Variants in FSTL4 observed in about 807,000 individuals in gnomAD.
FSTL4 encodes the protein follistatin-related protein 4.
Under a neutral mutation model 78.2 loss-of-function variants are expected in FSTL4, and 28 were observed. The ratio of observed to expected loss-of-function variants is 0.36; its 90% CI spans 0.27 to 0.49. The LOEUF (loss-of-function observed/expected upper bound fraction) is 0.49. Among genes scored for constraint, FSTL4 ranks in the 20% least tolerant of loss-of-function variants. The pLI is 0.98. For synonymous variants in FSTL4, 422 were observed against 440.5 expected, an observed-to-expected ratio of 0.96 and a Z score of 0.53; for missense variants, 922 against 1,084.9, an observed-to-expected ratio of 0.85 and a Z score of 2.11.
chr5:133,712,091 A>T, the FSTL4 span, among the ~76,000 whole-genome samples: 1 of 152,140 alleles, frequency 6.6e-6, no homozygotes, highest in South Asian at 2.1e-4. Flanking sequence ...CTATGTGACA[A>T]CCAGAAGGAT....
chr5:133,197,880 T>C lies in FSTL4; in HGVS notation c.*1215A>G, dbSNP rs1450307224. The C allele has an allele frequency of 6.6e-6, 1 of 152,244 alleles. No individual in the cohort carries two copies. The highest frequency in any genetic ancestry group is 1.5e-5 in the Non-Finnish European group (1 of 68,084). 9.4% of individuals were successfully genotyped at this position (152,244 alleles called of 1,614,324 possible). A position where few individuals can be genotyped will look rare whatever the true frequency, so the allele number is the denominator to read the frequency against. ...GAGAGTCACCACAGCCTGAGACACA[T>C]AAGGAGAATGCAGTAGTGCCAGCCT... is the stretch of plus-strand genomic sequence containing the variant. On this transcript the variant is annotated 3_prime_UTR_variant, in exon 16 of 16. Coordinates refer to ENST00000265342, the MANE Select transcript of FSTL4 (RefSeq NM_015082.2).
At chr5:133,464,041 C>A (rs1757650684) in intron 3 of FSTL4, among the ~76,000 whole-genome samples, 1 of 152,238 alleles carries the variant, frequency 6.6e-6, no homozygotes, top group Non-Finnish European at 1.5e-5. Flanking sequence ...AGTCCCTGAA[C>A]CTGGAGTGTG....
chr5:133,222,251 C>T (rs1751160027), intron 11 of FSTL4, among the ~76,000 whole-genome samples: 1 of 152,106 alleles, frequency 6.6e-6, no homozygotes, highest in Admixed American at 6.5e-5. Context: ...TCCAGCATAG[C>T]TCTCCATAAG....
chr5:133,402,194 C>T (rs534053456), intron 3 of FSTL4, among the ~76,000 whole-genome samples: 1 of 152,156 alleles, frequency 6.6e-6, no homozygotes, highest in African/African-American at 2.4e-5. Flanking sequence ...TGCCACATTG[C>T]TTGAGTGTCC....
chr5:133,241,121 G>A (rs960996719), intron 7 of FSTL4, among the ~76,000 whole-genome samples: 1 of 152,250 alleles, frequency 6.6e-6, no homozygotes, highest in African/African-American at 2.4e-5. Flanking sequence ...TCCACTGGGA[G>A]AGGAGAACAG....
the FSTL4 span, among the ~76,000 whole-genome samples, chr5:133,800,952 A>C: frequency 7.0e-6 from 1 of 142,180 alleles, no homozygotes; most frequent in Non-Finnish European, 1.5e-5. Context: ...GGAGGTGGGG[A>C]GGTGGGGAGC....
At chr5:133,598,400 G>A (rs1309880159) in intron 2 of FSTL4, among the ~76,000 whole-genome samples, 1 of 151,692 alleles carries the variant, frequency 6.6e-6, no homozygotes, top group African/African-American at 2.4e-5. Context: ...ATCTCAAGAG[G>A]TGCTGGCACA....
the FSTL4 span, among the ~76,000 whole-genome samples, chr5:133,783,272 A>T: frequency 7.2e-5 from 11 of 152,174 alleles, no homozygotes; most frequent in South Asian, 2.1e-4. Context: ...AAATATGGAC[A>T]TGACTCCAAC....
At chr5:133,820,051 A>G in the FSTL4 span, among the ~76,000 whole-genome samples, 1 of 152,158 alleles carries the variant, frequency 6.6e-6, no homozygotes, top group African/African-American at 2.4e-5. Flanking sequence ...TCTTGCTCCA[A>G]ATCCTCTTCC....
At chr5:133,409,811 G>A (rs1326129022) in intron 3 of FSTL4, among the ~76,000 whole-genome samples, 2 of 152,216 alleles carry the variant, frequency 1.3e-5, no homozygotes, top group Non-Finnish European at 2.9e-5. Flanking sequence ...AACAGACATG[G>A]TCACAGATTG....
At chr5:133,341,245 A>C (rs1039987364) in intron 4 of FSTL4, among the ~76,000 whole-genome samples, 4 of 79,472 alleles carry the variant, frequency 5.0e-5, no homozygotes, top group Non-Finnish European at 7.9e-5. Flanking sequence ...TTTTTTTTTT[A>C]CTTAGGGGAA....
chr5:133,467,172 G>A (rs1757730819), intron 3 of FSTL4, among the ~76,000 whole-genome samples: 1 of 151,382 alleles, frequency 6.6e-6, no homozygotes, highest in African/African-American at 2.4e-5. Flanking sequence ...GAGTGTATGA[G>A]TGTGGGAGTA....
chr5:133,633,448 T>G, the FSTL4 span, among the ~76,000 whole-genome samples: 1 of 152,224 alleles, frequency 6.6e-6, no homozygotes, highest in Non-Finnish European at 1.5e-5. Flanking sequence ...ATCTTTCAGC[T>G]TTTACATTTT....
intron 15 of FSTL4, among the ~76,000 whole-genome samples, chr5:133,200,726 C>T (rs1210409417): frequency 6.6e-6 from 1 of 152,136 alleles, no homozygotes; most frequent in Non-Finnish European, 1.5e-5. Context: ...CTCACAGAGG[C>T]CTTTTGGTGC....
intron 3 of FSTL4, among the ~76,000 whole-genome samples, chr5:133,449,612 G>A (rs1051449915): frequency 2.6e-5 from 4 of 152,170 alleles, no homozygotes; most frequent in Non-Finnish European, 5.9e-5. Context: ...ATTACAGGGA[G>A]AGCCTTCCTC....
chr5:133,294,453 T>A (rs1230018699), intron 6 of FSTL4, among the ~76,000 whole-genome samples: 1 of 152,140 alleles, frequency 6.6e-6, no homozygotes, highest in African/African-American at 2.4e-5. Context: ...CCGTGCATGC[T>A]CCACGTGCCA....
chr5:133,609,081 C>A (rs1761034431), intron 1 of FSTL4, among the ~76,000 whole-genome samples: 1 of 152,206 alleles, frequency 6.6e-6, no homozygotes, highest in Non-Finnish European at 1.5e-5. Context: ...TCTCCCAGAA[C>A]TTGGTAACTT....
the FSTL4 span, among the ~76,000 whole-genome samples, chr5:133,714,099 G>T: frequency 2.0e-5 from 3 of 152,274 alleles, no homozygotes; most frequent in Non-Finnish European, 2.9e-5. Context: ...CCAAGGGCTC[G>T]TCTGGGCGCT....
chr5:133,432,050 A>T (rs1325701580), intron 3 of FSTL4, among the ~76,000 whole-genome samples: 1 of 152,186 alleles, frequency 6.6e-6, no homozygotes, highest in Non-Finnish European at 1.5e-5. Context: ...GTTAAATAAC[A>T]ATTCAGTAAG....
Sources: gnomAD v4.1 joint callset for allele counts (sites outside exome capture counted in the v4.1 genomes callset) on GRCh38, gnomAD v4.1.1 for gene constraint, MANE v1.5 for transcripts, NCBI Gene and HGNC (gene_info 2026-07-23, HGNC 2026-07-21) for gene names.